CYP2C19: variants seen among roughly 807,000 people sequenced by gnomAD.
CYP2C19 encodes cytochrome P450 2C19.
A neutral mutation model predicts 40.9 loss-of-function variants in CYP2C19; 59 were observed. The ratio of observed to expected loss-of-function variants is 1.44; its 90% CI spans 1.17 to 1.79. The LOEUF (loss-of-function observed/expected upper bound fraction) is 1.79, where lower values mean the gene tolerates loss of function less well. Ranked by LOEUF, CYP2C19 falls within the 40% of genes most tolerant of loss-of-function variation. The pLI, the probability that CYP2C19 is intolerant of heterozygous loss-of-function variation, is 0.00. For synonymous variants in CYP2C19, 253 were observed against 208.7 expected, an observed-to-expected ratio of 1.21 and a Z score of -1.83; for missense variants, 754 against 596.9, an observed-to-expected ratio of 1.26 and a Z score of -2.74.
chr10:94,848,953 T>C (rs932274630), intron 7 of CYP2C19, among the ~76,000 whole-genome samples: 4 of 152,108 alleles, frequency 2.6e-5, no homozygotes, highest in Admixed American at 6.6e-5. Flanking sequence ...GCTGAAGTTG[T>C]TTATCAGCTT....
At chr10:94,817,820 T>G (rs978111555) in intron 5 of CYP2C19, among the ~76,000 whole-genome samples, 3 of 151,776 alleles carry the variant, frequency 2.0e-5, no homozygotes, top group African/African-American at 7.3e-5. Flanking sequence ...GAGACCATCC[T>G]GGCTAAAACG....
chr10:94,847,963 G>T (rs1441764481), intron 7 of CYP2C19, among the ~76,000 whole-genome samples: 2 of 152,108 alleles, frequency 1.3e-5, no homozygotes, highest in Non-Finnish European at 1.5e-5. Flanking sequence ...GTTCATTGTA[G>T]ATTCTGGATA....
chr10:94,793,467 CT>C (rs1384613771), intron 5 of CYP2C19, among the ~76,000 whole-genome samples: 5 of 152,132 alleles, frequency 3.3e-5, no homozygotes, highest in Admixed American at 2.6e-4. Flanking sequence ...ATTTTCTGCT[CT>C]CGTTACTCCC....
chr10:94,813,010 C>A (rs1848949537), intron 5 of CYP2C19, among the ~76,000 whole-genome samples: 1 of 151,334 alleles, frequency 6.6e-6, no homozygotes, highest in Non-Finnish European at 1.5e-5. Flanking sequence ...GATTTATCTA[C>A]CTCTTGTCTT....
At chr10:94,848,437 A>C (rs1032782763) in intron 7 of CYP2C19, among the ~76,000 whole-genome samples, 1 of 152,080 alleles carries the variant, frequency 6.6e-6, no homozygotes, top group African/African-American at 2.4e-5. Context: ...ATTGGTCTAC[A>C]TCTCTGTTTT....
rs1849707868 is a variant in CYP2C19 at position 94,854,804 on chromosome 10, C to A, written c.*1890C>A. On this transcript the variant is annotated 3_prime_UTR_variant, in exon 9 of 9. Coordinates refer to ENST00000371321, the MANE Select transcript of CYP2C19 (RefSeq NM_000769.4). Reference sequence around the variant, plus strand: ...ACCAAGTAATATGCCAGCAAAACCTCTAAGGTGATAGAAACATAGGCAAAT... The same window carrying A: ...ACCAAGTAATATGCCAGCAAAACCTATAAGGTGATAGAAACATAGGCAAAT... Among the ~76,000 whole-genome samples the A allele has an allele frequency of 6.6e-6, 1 of 151,890 alleles. No homozygotes were observed. The highest frequency in any genetic ancestry group is 2.4e-5 in the African/African-American group (1 of 41,322).
Position 94,855,366 on chromosome 10 carries a change from T to C in CYP2C19, c.*2452T>C, listed in dbSNP as rs1442937318. Among the ~76,000 whole-genome samples, 1 of 152,238 alleles carries C rather than the reference T, an allele frequency of 6.6e-6. No homozygotes were observed. The highest frequency in any genetic ancestry group is 2.4e-5 in the African/African-American group (1 of 41,464). ...AGAGCCAACAATTGGACAAGGGCAA[T>C]CTGACTGGAAAGTAGAAGTTGCTAA... On this transcript the variant is annotated 3_prime_UTR_variant, in exon 9 of 9. Transcript: ENST00000371321.
intron 1 of CYP2C19, among the ~76,000 whole-genome samples, chr10:94,765,515 G>T (rs1323767412): frequency 6.6e-6 from 1 of 152,122 alleles, no homozygotes; most frequent in Non-Finnish European, 1.5e-5. Flanking sequence ...GGCTGGAAAG[G>T]GGTGTTGGGA....
intron 5 of CYP2C19, among the ~76,000 whole-genome samples, chr10:94,793,772 TAGG>T (rs1421790477): frequency 1.3e-5 from 2 of 152,132 alleles, no homozygotes; most frequent in Non-Finnish European, 2.9e-5. Flanking sequence ...CGGCCCCTAC[TAGG>T]AGGTGTCTCC....
chr10:94,775,526 G>C lies in CYP2C19; in HGVS notation c.468G>C (p.Leu156Phe). 8 of 1,613,958 alleles carry C rather than the reference G, an allele frequency of 5.0e-6. No homozygotes were observed. Among genetic ancestry groups the C allele is most frequent in the Non-Finnish European group, 6.8e-6 (8 of 1,179,892 alleles). Residue 156 changes from leucine (L) to phenylalanine (F), a missense_variant, in exon 3 of 9, where the codon TTG becomes TTC. By Grantham distance (22) the Leu-to-Phe change is conservative. Coordinates refer to ENST00000371321, the MANE Select transcript of CYP2C19 (RefSeq NM_000769.4). ...QEEARCLVEE[L>F]RKTKASPCDP... is the part of the protein sequence containing the mutation. ...AAGCCCGCTGCCTTGTGGAGGAGTT[G>C]AGAAAAACCAAGGGTGGGTGAACAT...
intron 3 of CYP2C19, among the ~76,000 whole-genome samples, chr10:94,778,873 T>G (rs1848445419): frequency 6.6e-6 from 1 of 152,098 alleles, no homozygotes; most frequent in South Asian, 2.1e-4. Context: ...CAAATGCCCA[T>G]CAATGACACA....
rs201025552 is a variant in CYP2C19 at position 94,816,833 on chromosome 10, G to A, written c.820-3663G>A. Among the ~76,000 whole-genome samples the A allele has an allele frequency of 8.2e-3, 1,225 of 148,530 alleles. 24 individuals are homozygous for A. Among genetic ancestry groups the A allele is most frequent in the East Asian group, 0.062 (309 of 4,976 alleles). On this transcript the variant is annotated intron_variant, in intron 5 of 8. Transcript: ENST00000371321. Reference sequence around the variant, plus strand: ...TATGAGTGAGAATATACGGTGTTTGGTTTTTTGTTCTTGTGATAGTTTACT... The same window carrying A: ...TATGAGTGAGAATATACGGTGTTTGATTTTTTGTTCTTGTGATAGTTTACT...
At chr10:94,852,375 C>G (rs941463381) in intron 8 of CYP2C19, among the ~76,000 whole-genome samples, 3 of 152,192 alleles carry the variant, frequency 2.0e-5, no homozygotes, top group African/African-American at 7.2e-5. Context: ...CTCAGTTCAA[C>G]CCACTGGACA....
Position 94,846,795 on chromosome 10 carries a change from G to A in CYP2C19, c.1150-3122G>A, listed in dbSNP as rs914558293. Among the ~76,000 whole-genome samples, 6 of 151,196 alleles carry A rather than the reference G, an allele frequency of 4.0e-5. No homozygotes were observed. The East Asian group carries it at 5.8e-4, about 15-fold the overall frequency. On this transcript the variant is annotated intron_variant, in intron 7 of 8. Transcript: ENST00000371321. The stretch of plus-strand genomic sequence containing the variant: ...GCTGGTGTGCTGCACCCATTAACTC[G>A]TCATTTAGCATTAGGTATATCTCCT...
At chr10:94,829,435 A>T (rs1403970318) in intron 6 of CYP2C19, among the ~76,000 whole-genome samples, 2 of 152,048 alleles carry the variant, frequency 1.3e-5, no homozygotes, top group Non-Finnish European at 2.9e-5. Context: ...CCTTTCTTCC[A>T]GTTGATCGCA....
At chr10:94,848,784 A>C (rs1049153265) in intron 7 of CYP2C19, among the ~76,000 whole-genome samples, 1 of 151,994 alleles carries the variant, frequency 6.6e-6, no homozygotes, top group Non-Finnish European at 1.5e-5. Context: ...CCTTAAAGAG[A>C]TCCTTCACGT....
chr10:94,825,666 A>C (rs1232561556), intron 6 of CYP2C19, among the ~76,000 whole-genome samples: 3 of 114,398 alleles, frequency 2.6e-5, no homozygotes, highest in Non-Finnish European at 5.4e-5. Context: ...GTTTAATTAG[A>C]TCCCATTTGT....
chr10:94,812,244 G>A (rs1049051558), intron 5 of CYP2C19, among the ~76,000 whole-genome samples: 5 of 152,268 alleles, frequency 3.3e-5, no homozygotes, highest in African/African-American at 1.2e-4. Context: ...AGAGAGATAT[G>A]CTGTTAGTCT....
intron 6 of CYP2C19, among the ~76,000 whole-genome samples, chr10:94,832,823 A>G (rs1205921202): frequency 6.6e-6 from 1 of 151,598 alleles, no homozygotes; most frequent in African/African-American, 2.4e-5. Context: ...TTTGATGGGG[A>G]TTTTATTGAA....
Sources: allele counts gnomAD v4.1 joint callset (sites outside exome capture counted in the v4.1 genomes callset), GRCh38; gene constraint gnomAD v4.1.1; transcripts MANE v1.5; gene names NCBI Gene and HGNC (gene_info 2026-07-23, HGNC 2026-07-21).